DNAH11: variants seen among roughly 807,000 people sequenced by gnomAD.
The protein encoded by DNAH11 is axonemal beta dynein heavy chain 11.
DNAH11 carries 442 observed loss-of-function variants against 526.0 expected under a neutral mutation model. The observed-to-expected ratio is 0.84, with a 90% CI of 0.78 to 0.91. The LOEUF (loss-of-function observed/expected upper bound fraction) is 0.91. DNAH11 is among the 40% of genes least tolerant of loss of function. DNAH11 has a pLI of 0.00. For synonymous variants in DNAH11, 2,461 were observed against 1,935.9 expected, an observed-to-expected ratio of 1.27 and a Z score of -7.12; for missense variants, 6,989 against 5,448.7, an observed-to-expected ratio of 1.28 and a Z score of -8.90.
At chr7:21,573,884 T>A (rs1293314816) in intron 8 of DNAH11, among the ~76,000 whole-genome samples, 1 of 152,216 alleles carries the variant, frequency 6.6e-6, no homozygotes, top group Non-Finnish European at 1.5e-5. Flanking sequence ...TTCCAGTAAA[T>A]TAAAGAAATG....
chr7:21,596,573 T>C (rs1374553493), intron 14 of DNAH11, among the ~76,000 whole-genome samples: 4 of 152,208 alleles, frequency 2.6e-5, no homozygotes, highest in Admixed American at 1.3e-4. Context: ...GTTTTTTCTG[T>C]TACATTTTCT....
Position 21,620,021 on chromosome 7 carries a change from A to G in DNAH11, c.4443A>G (p.Thr1481=). ...MKFSYEVHYR[T]GIPLLKSDEQ... ...TTTCTTACGAAGTTCACTATCGAAC[A>G]GGCATTCCATTACTAAAGTCTGATG... is the stretch of plus-strand genomic sequence containing the variant. The change falls in exon 25 of 82, where the codon ACA becomes ACG. Residue 1481 remains threonine, a synonymous_variant. Transcript: ENST00000409508. The G allele has an allele frequency of 1.2e-6, 2 of 1,610,100 alleles. No individual in the cohort carries two copies. Among genetic ancestry groups the G allele is most frequent in the Non-Finnish European group, 1.7e-6 (2 of 1,178,604 alleles).
At chr7:21,762,383 T>A (rs1476508172) in intron 54 of DNAH11, among the ~76,000 whole-genome samples, 1 of 152,236 alleles carries the variant, frequency 6.6e-6, no homozygotes, top group Non-Finnish European at 1.5e-5. Flanking sequence ...ATATTTGGGA[T>A]CTTGTCAAAT....
intron 30 of DNAH11, among the ~76,000 whole-genome samples, chr7:21,670,687 G>A (rs1429262853): frequency 1.3e-5 from 2 of 152,132 alleles, no homozygotes; most frequent in African/African-American, 4.8e-5. Flanking sequence ...TTATCAGATA[G>A]AGGAAAATCC....
At chr7:21,675,065 A>G (rs1319373707) in intron 30 of DNAH11, among the ~76,000 whole-genome samples, 1 of 150,986 alleles carries the variant, frequency 6.6e-6, no homozygotes, top group East Asian at 2.0e-4. Flanking sequence ...TCCTCCTCAC[A>G]GGTCTTTTCT....
At chr7:21,550,671 C>A (rs1003006931) in intron 2 of DNAH11, among the ~76,000 whole-genome samples, 1 of 152,128 alleles carries the variant, frequency 6.6e-6, no homozygotes, top group African/African-American at 2.4e-5. Context: ...TAATTTGAAA[C>A]CTTCCATAAT....
At chr7:21,681,454 C>T (rs973371503) in intron 30 of DNAH11, 92 bp from the exon 31 acceptor site, 3 of 1,334,902 alleles carry the variant, frequency 2.2e-6, no homozygotes, top group African/African-American at 1.5e-5. Flanking sequence ...GTTTTGCAAA[C>T]TAAATCAGCC....
rs753362291 is a variant in DNAH11 at position 21,687,518 on chromosome 7, G to A, written c.5915G>A (p.Arg1972Lys). The change falls in exon 34 of 82, where the codon AGG (arginine) becomes AAG (lysine). Residue 1972 changes from arginine to lysine, a missense_variant. By Grantham distance (26) the Arg-to-Lys change is conservative. Coordinates refer to ENST00000409508, the MANE Select transcript of DNAH11 (RefSeq NM_001277115.2). ...VKMIHDAIRN[R>K]KKRFVFLGEA... ...ATGATTCATGATGCCATCAGAAACA[G>A]GAAGAAGAGGTGAGTGGCATGCAGG... 9 of 1,613,078 alleles carry A rather than the reference G, an allele frequency of 5.6e-6. No individual in the cohort carries two copies. The East Asian group carries it at 1.8e-4, about 32-fold the overall frequency.
chr7:21,588,445 A>T (rs566174386), intron 10 of DNAH11, 67 bp from the exon 11 acceptor site: 1 of 1,573,562 alleles, frequency 6.4e-7, no homozygotes. Context: ...AAAATTGCTT[A>T]CAGGGTTGGA....
intron 79 of DNAH11, among the ~76,000 whole-genome samples, chr7:21,897,410 G>A (rs1030546083): frequency 6.0e-5 from 9 of 148,854 alleles, no homozygotes; most frequent in African/African-American, 2.0e-4. Context: ...CTTGTCAAAT[G>A]CTGCCGTGGA....
chr7:21,631,218 C>T (rs142359300), intron 25 of DNAH11, among the ~76,000 whole-genome samples: 1 of 152,272 alleles, frequency 6.6e-6, no homozygotes, highest in African/African-American at 2.4e-5. Context: ...GGACCTGCCT[C>T]CGTGATTCAG....
At chr7:21,879,727 C>T (rs1783844543) in intron 74 of DNAH11, among the ~76,000 whole-genome samples, 1 of 152,120 alleles carries the variant, frequency 6.6e-6, no homozygotes, top group Admixed American at 6.5e-5. Flanking sequence ...CTGATGGGTG[C>T]CCCTGCCATA....
At chr7:21,839,123 G>C (rs1782107112) in intron 65 of DNAH11, among the ~76,000 whole-genome samples, 1 of 151,974 alleles carries the variant, frequency 6.6e-6, no homozygotes, top group Admixed American at 6.5e-5. Context: ...ATGCTTATTG[G>C]TCATTTGTGT....
intron 25 of DNAH11, among the ~76,000 whole-genome samples, chr7:21,633,067 T>C (rs1311852522): frequency 6.6e-6 from 1 of 152,198 alleles, no homozygotes; most frequent in Non-Finnish European, 1.5e-5. Flanking sequence ...ATCTCCCCTT[T>C]TTAAAACCAT....
intron 75 of DNAH11, among the ~76,000 whole-genome samples, chr7:21,883,424 A>C (rs943365294): frequency 6.6e-6 from 1 of 152,218 alleles, no homozygotes; most frequent in African/African-American, 2.4e-5. Flanking sequence ...AACATGGTAT[A>C]GTCATTAGTT....
intron 52 of DNAH11, 141 bp downstream of exon 52, chr7:21,748,883 C>A: frequency 1.3e-6 from 1 of 767,180 alleles, no homozygotes; most frequent in Non-Finnish European, 1.9e-6. Context: ...CTCTTTAAAG[C>A]AGTAATTGAC....
chr7:21,617,645 C>G lies in DNAH11; in HGVS notation c.4122C>G (p.Val1374=). Residue 1374 remains valine (V), a synonymous_variant, in exon 23 of 82, where the codon GTC becomes GTG. Transcript: ENST00000409508. ...AAATTTGGTCACTCAACAAGGAAGT[C>G]CGCGTCTGGGATGCTTACACGGGCC... ...AKEIWSLNKE[V]RVWDAYTGLE... 6.2e-7 allele frequency: 1 copy of G among 1,613,830 alleles called. No individual in the cohort carries two copies. The highest frequency in any genetic ancestry group is 8.5e-7 in the Non-Finnish European group (1 of 1,179,818).
chr7:21,854,268 A>C (rs1182247942), intron 67 of DNAH11, 47 bp from the exon 68 acceptor site: 2 of 1,598,478 alleles, frequency 1.3e-6, no homozygotes, highest in Non-Finnish European at 8.5e-7. Flanking sequence ...ATGCGTAGAG[A>C]ATATGAAGAG....
At chr7:21,690,470 C>A (rs1201799975) in intron 34 of DNAH11, among the ~76,000 whole-genome samples, 1 of 152,108 alleles carries the variant, frequency 6.6e-6, no homozygotes, top group East Asian at 1.9e-4. Flanking sequence ...TCACCTCCTT[C>A]CATTAAATGT....
Sources: allele counts gnomAD v4.1 joint callset (sites outside exome capture counted in the v4.1 genomes callset), GRCh38; gene constraint gnomAD v4.1.1; transcripts MANE v1.5; gene names NCBI Gene and HGNC (gene_info 2026-07-23, HGNC 2026-07-21).